The following FBN1 variants were observed in gnomAD, a reference collection of about 807,000 sequenced individuals.
FBN1 encodes fibrillin 1.
In FBN1, 29 loss-of-function variants were observed where a neutral mutation model predicts 365.1. The observed-to-expected ratio is 0.08, with a 90% CI of 0.06 to 0.11. FBN1 has a LOEUF of 0.11. Among genes scored for constraint, FBN1 ranks in the 10% least tolerant of loss-of-function variants. The probability of loss-of-function intolerance (pLI) is 1.00; values close to 1 mark genes in which losing one functional copy is unlikely to be tolerated. For synonymous variants in FBN1, 1,210 were observed against 1,270.5 expected, an observed-to-expected ratio of 0.95 and a Z score of 1.01; for missense variants, 2,476 against 3,703.2, an observed-to-expected ratio of 0.67 and a Z score of 8.60.
Position 48,526,227 on chromosome 15 carries a change from T to A in FBN1, c.891A>T (p.Gly297=). ...EDIDECSTIP[G]ICEGGECTNT... ...TTGTACATTCACCCCCTTCACAGAT[T>A]CCAGGAATGGTGCTGCATTCATCAA... is the stretch of plus-strand genomic sequence containing the variant. The change falls in exon 9 of 66, where the codon GGA becomes GGT. Residue 297 remains glycine, a synonymous_variant. Coordinates refer to ENST00000316623, the MANE Select transcript of FBN1 (RefSeq NM_000138.5). 1 of 1,614,130 alleles carries A rather than the reference T, an allele frequency of 6.2e-7. No homozygotes were observed. Among genetic ancestry groups the A allele is most frequent in the South Asian group, 1.1e-5 (1 of 91,086 alleles).
At chr15:48,464,734 T>C (rs2043307265) in intron 40 of FBN1, among the ~76,000 whole-genome samples, 2 of 152,194 alleles carry the variant, frequency 1.3e-5, no homozygotes, top group African/African-American at 2.4e-5. Context: ...GGGTATATAG[T>C]ATCCCGAAGC....
At chr15:48,414,572 C>T (rs1195709187) in intron 64 of FBN1, among the ~76,000 whole-genome samples, 1 of 152,162 alleles carries the variant, frequency 6.6e-6, no homozygotes, top group Non-Finnish European at 1.5e-5. Flanking sequence ...AAACTTAACA[C>T]TAAACTTTTA....
At chr15:48,522,462 C>T (rs1362059957) in intron 9 of FBN1, among the ~76,000 whole-genome samples, 1 of 152,046 alleles carries the variant, frequency 6.6e-6, no homozygotes, top group East Asian at 1.9e-4. Flanking sequence ...TCCCTTGTGC[C>T]AAAAAGGTTG....
chr15:48,441,688 C>T (rs1287794045), intron 50 of FBN1, 33 bp downstream of exon 50: 1 of 1,613,012 alleles, frequency 6.2e-7, no homozygotes. Context: ...AAACATGCAG[C>T]ATTGAAAGCC....
At chr15:48,558,639 A>T (rs1597604398) in intron 6 of FBN1, among the ~76,000 whole-genome samples, 1 of 152,362 alleles carries the variant, frequency 6.6e-6, no homozygotes, top group African/African-American at 2.4e-5. Flanking sequence ...AGCACATACT[A>T]ATAAAACAAC....
Position 48,618,166 on chromosome 15 carries a change from C to A in FBN1, c.165-5074G>T, listed in dbSNP as rs138071867. ...CATGCCCTCACACAACAAAGGACACCCAACTTCCCATGTAATGTGTCCCAT... is the reference window on the plus strand; with the variant it reads ...CATGCCCTCACACAACAAAGGACACACAACTTCCCATGTAATGTGTCCCAT... On this transcript the variant is annotated intron_variant, in intron 2 of 65. Coordinates refer to ENST00000316623, the MANE Select transcript of FBN1 (RefSeq NM_000138.5). 2.7e-3 allele frequency among the ~76,000 whole-genome samples: 409 copies of A among 152,050 alleles called. 3 individuals carry two copies. The highest frequency in any genetic ancestry group is 9.5e-3 in the African/African-American group (393 of 41,454).
intron 45 of FBN1, among the ~76,000 whole-genome samples, chr15:48,450,278 A>G (rs2043191011): frequency 6.6e-6 from 1 of 152,160 alleles, no homozygotes; most frequent in Admixed American, 6.5e-5. Flanking sequence ...GGTCTGTCTC[A>G]TATCTGAGTT....
intron 64 of FBN1, among the ~76,000 whole-genome samples, chr15:48,414,290 A>T (rs2042885572): frequency 6.6e-6 from 1 of 152,208 alleles, no homozygotes; most frequent in Non-Finnish European, 1.5e-5. Context: ...CCCACGAAAC[A>T]TTCTTCTACC....
chr15:48,546,909 T>C (rs1024646500), intron 6 of FBN1, among the ~76,000 whole-genome samples: 4 of 152,150 alleles, frequency 2.6e-5, no homozygotes, highest in African/African-American at 9.7e-5. Context: ...CATCACTGAA[T>C]AAATGGTCAT....
intron 29 of FBN1, 129 bp from the exon 30 acceptor site, chr15:48,485,625 T>A (rs1203191586): frequency 4.1e-6 from 4 of 975,430 alleles, no homozygotes; most frequent in African/African-American, 1.6e-5. Context: ...GAGGTAATCA[T>A]CCTATGAGGG....
chr15:48,472,259 C>T (rs1364171574), intron 35 of FBN1, among the ~76,000 whole-genome samples: 1 of 152,080 alleles, frequency 6.6e-6, no homozygotes, highest in Non-Finnish European at 1.5e-5. Flanking sequence ...AAATGGGTTG[C>T]ACTGATTTAA....
intron 21 of FBN1, 35 bp downstream of exon 21, chr15:48,495,434 A>T: frequency 6.2e-7 from 1 of 1,610,852 alleles, no homozygotes; most frequent in South Asian, 1.1e-5. Flanking sequence ...CAACATTGAT[A>T]AACATAGAAA....
chr15:48,456,816 A>C (rs963990726), intron 43 of FBN1, 54 bp from the exon 44 acceptor site: 1 of 1,544,984 alleles, frequency 6.5e-7, no homozygotes, highest in Middle Eastern at 1.7e-4. Flanking sequence ...ATCCCTGTGC[A>C]GGGTAAGACA....
In FBN1 at chr15:48,577,916, C is replaced by T. The variant is rs528867380; in HGVS notation, c.538+18367G>A. On this transcript the variant is annotated intron_variant, in intron 6 of 65. Coordinates refer to ENST00000316623, the MANE Select transcript of FBN1 (RefSeq NM_000138.5). ...TATGTCTTGTTGTAAAAGCAGTCTT[C>T]AGCTGGCACCACATGATTGATTTGT... 3.9e-5 allele frequency among the ~76,000 whole-genome samples: 6 copies of T among 152,264 alleles called. No homozygotes were observed. In the South Asian group the frequency reaches 1.2e-3, roughly 32 times the overall value.
chr15:48,417,784 A>G (rs1459138056), intron 63 of FBN1, among the ~76,000 whole-genome samples: 1 of 152,236 alleles, frequency 6.6e-6, no homozygotes, highest in African/African-American at 2.4e-5. Flanking sequence ...CAAACAAAGA[A>G]TGAAGAACGA....
At chr15:48,439,294 T>G (rs191820602) in intron 50 of FBN1, among the ~76,000 whole-genome samples, 13 of 152,320 alleles carry the variant, frequency 8.5e-5, no homozygotes, top group African/African-American at 3.1e-4. Context: ...CTAATTTCTA[T>G]TCCACTTCCC....
intron 12 of FBN1, among the ~76,000 whole-genome samples, chr15:48,515,127 T>A (rs969263569): frequency 6.6e-6 from 1 of 152,196 alleles, no homozygotes; most frequent in Non-Finnish European, 1.5e-5. Context: ...CACAGGCAGC[T>A]GCTAGTAGCT....
intron 2 of FBN1, 141 bp from the exon 3 acceptor site, chr15:48,613,233 A>G (rs900691834): frequency 1.2e-5 from 8 of 695,256 alleles, no homozygotes; most frequent in Admixed American, 6.6e-5. Context: ...ATGAGACTCA[A>G]TGCTGGGTTG....
intron 30 of FBN1, among the ~76,000 whole-genome samples, chr15:48,484,957 T>C (rs750489108): frequency 6.6e-6 from 1 of 152,196 alleles, no homozygotes; most frequent in Admixed American, 6.5e-5. Flanking sequence ...GGGATCTACC[T>C]CAGTAGTTTC....
Sources: allele counts gnomAD v4.1 joint callset (sites outside exome capture counted in the v4.1 genomes callset), GRCh38; gene constraint gnomAD v4.1.1; transcripts MANE v1.5; gene names NCBI Gene and HGNC (gene_info 2026-07-23, HGNC 2026-07-21).